Variants in PKD1L1 observed in about 807,000 individuals in gnomAD.
PKD1L1 encodes polycystin-1-like protein 1.
PKD1L1 carries 236 observed loss-of-function variants against 323.4 expected under a neutral mutation model. That is an observed-to-expected ratio of 0.73 (90% CI 0.66 to 0.81). The LOEUF (loss-of-function observed/expected upper bound fraction) is 0.81, where lower values mean the gene tolerates loss of function less well. Ranked by LOEUF, PKD1L1 falls within the 40% of genes least tolerant of loss-of-function variation. The pLI, the probability that PKD1L1 is intolerant of heterozygous loss-of-function variation, is 0.00. For synonymous variants in PKD1L1, 1,344 were observed against 1,335.0 expected (o/e 1.01, Z -0.15); for missense variants, 3,320 against 3,508.0 (o/e 0.95, Z 1.35).
At chr7:47,899,636 T>A (rs979436852) in intron 13 of PKD1L1, among the ~76,000 whole-genome samples, 2 of 151,834 alleles carry the variant, frequency 1.3e-5, no homozygotes, top group Non-Finnish European at 2.9e-5. Context: ...CAGAGGGATT[T>A]TTTTTTTCCT....
chr7:47,885,564 G>T, intron 18 of PKD1L1, 122 bp downstream of exon 18: 1 of 1,334,932 alleles, frequency 7.5e-7, no homozygotes, highest in Non-Finnish European at 1.0e-6. Flanking sequence ...TGAACCTGGC[G>T]CTTTCTGATT....
chr7:47,926,916 C>T (rs1324924175), intron 7 of PKD1L1, among the ~76,000 whole-genome samples: 2 of 152,196 alleles, frequency 1.3e-5, no homozygotes, highest in Non-Finnish European at 2.9e-5. Flanking sequence ...GAGAGCACGC[C>T]CCATCAGTGT....
At chr7:47,944,991 A>G (rs1380017936) in intron 1 of PKD1L1, among the ~76,000 whole-genome samples, 2 of 152,200 alleles carry the variant, frequency 1.3e-5, no homozygotes, top group African/African-American at 4.8e-5. Context: ...ACCGTTGCCA[A>G]GTTCCCAGCT....
the PKD1L1 span, among the ~76,000 whole-genome samples, chr7:47,954,108 G>C: frequency 6.6e-6 from 1 of 152,174 alleles, no homozygotes; most frequent in Non-Finnish European, 1.5e-5. Flanking sequence ...TGGTCACAAG[G>C]TTTGAGCCCT....
chr7:47,934,519 G>A (rs67540717), intron 4 of PKD1L1, among the ~76,000 whole-genome samples: 40,883 of 152,010 alleles, frequency 0.27, 6,401 homozygotes, highest in East Asian at 0.46. Flanking sequence ...CATCATCCTA[G>A]TCACTTGCTT....
chr7:47,930,673 AG>A (rs1250716933), intron 6 of PKD1L1, among the ~76,000 whole-genome samples: 1 of 151,478 alleles, frequency 6.6e-6, no homozygotes, highest in Non-Finnish European at 1.5e-5. Context: ...AAATTATCCC[AG>A]TGTGATGGCG....
rs1241737665 is a variant in PKD1L1, at chr7:47,905,145, A to C, written c.1691+12T>G. 6.2e-7 allele frequency: 1 copy of C among 1,612,076 alleles called. No homozygotes were observed. Among genetic ancestry groups the C allele is most frequent in the Non-Finnish European group, 8.5e-7 (1 of 1,178,972 alleles). On this transcript the variant is annotated intron_variant, in intron 11 of 56. Coordinates refer to ENST00000289672, the MANE Select transcript of PKD1L1 (RefSeq NM_138295.5). ...CAAACAGCTACTCAGCAGGACTGCT[A>C]CTTTTACTGACCATTGGGGGATGCT...
intron 56 of PKD1L1, among the ~76,000 whole-genome samples, chr7:47,785,307 C>T (rs928518282): frequency 4.6e-5 from 7 of 152,104 alleles, no homozygotes. Context: ...TTTCCAAGTT[C>T]CAGGAATATA....
rs190378508 is a variant in PKD1L1 at position 47,811,637 on chromosome 7, C to T, written c.7581+180G>A. 3.9e-5 allele frequency among the ~76,000 whole-genome samples: 6 copies of T among 152,328 alleles called. No homozygotes were observed. In the East Asian group the frequency reaches 7.7e-4, roughly 20 times the overall value. On this transcript the variant is annotated intron_variant, in intron 50 of 56. Coordinates refer to ENST00000289672, the MANE Select transcript of PKD1L1 (RefSeq NM_138295.5). ...TGGTTTCCCCACTGGGGGTCTTCTT[C>T]GTCTCATGCCCCAACCCTTAGTGTG...
chr7:47,924,358 T>A (rs187423958), intron 7 of PKD1L1, among the ~76,000 whole-genome samples: 1 of 152,122 alleles, frequency 6.6e-6, no homozygotes, highest in African/African-American at 2.4e-5. Context: ...TGTGAGGGGG[T>A]AGTCTTAGAA....
intron 37 of PKD1L1, among the ~76,000 whole-genome samples, chr7:47,836,501 T>C (rs1331937646): frequency 1.3e-5 from 2 of 152,142 alleles, no homozygotes; most frequent in Non-Finnish European, 2.9e-5. Flanking sequence ...CAGACCAGAG[T>C]TGCCAGTGCA....
chr7:47,780,742 AAT>A (rs1176723801), intron 56 of PKD1L1, among the ~76,000 whole-genome samples: 2 of 152,110 alleles, frequency 1.3e-5, no homozygotes, highest in South Asian at 2.1e-4. Flanking sequence ...TGTGTGGATC[AAT>A]AGTCTTTTTG....
chr7:47,941,088 C>T (rs895720062), intron 2 of PKD1L1, among the ~76,000 whole-genome samples: 7 of 152,212 alleles, frequency 4.6e-5, no homozygotes, highest in Non-Finnish European at 7.3e-5. Flanking sequence ...AGAAGCCAGG[C>T]GACTGCCTTG....
intron 45 of PKD1L1, among the ~76,000 whole-genome samples, chr7:47,826,077 C>T (rs1017267893): frequency 2.0e-4 from 30 of 152,282 alleles, no homozygotes; most frequent in African/African-American, 6.7e-4. Flanking sequence ...CACCTGTGAA[C>T]TTGACTCTGC....
chr7:47,853,105 A>C, intron 31 of PKD1L1, 22 bp downstream of exon 31: 3 of 1,529,400 alleles, frequency 2.0e-6, no homozygotes, highest in Non-Finnish European at 2.7e-6. Flanking sequence ...GAAAGGGAAA[A>C]TAAGGCGCCC....
At chr7:47,950,351 G>A (rs1455685418), upstream of PKD1L1, among the ~76,000 whole-genome samples, 1 of 152,182 alleles carries the variant, frequency 6.6e-6, no homozygotes, top group Non-Finnish European at 1.5e-5. Context: ...TTTGAAGCCA[G>A]CAGTGCTAAC....
chr7:47,862,391 AGGAGGGAT>A (rs1301369266), intron 26 of PKD1L1, among the ~76,000 whole-genome samples: 1 of 152,072 alleles, frequency 6.6e-6, no homozygotes, highest in Non-Finnish European at 1.5e-5. Flanking sequence ...AGACTCAGGC[AGGAGGGAT>A]GGTAGGAGGA....
intron 22 of PKD1L1, among the ~76,000 whole-genome samples, chr7:47,877,227 C>A (rs1335444317): frequency 6.6e-6 from 1 of 152,174 alleles, no homozygotes; most frequent in Admixed American, 6.5e-5. Context: ...GGCTGCAGGG[C>A]AGACGACTCC....
chr7:47,837,067 G>C lies in PKD1L1; in HGVS notation c.5797C>G (p.Leu1933Val). The part of the protein sequence containing the change: ...KLFYCKFTEY[L>V]EDFHVWLSVY... ...GACAGCCAGACATGGAAATCCTCCA[G>C]GTACTCTGTGAACTTGCAATAGAAA... Residue 1933 changes from leucine (L) to valine (V), a missense_variant, in exon 37 of 57, where the codon CTG (leucine) becomes GTG (valine). Leu to Val is a conservative substitution (Grantham distance 32, BLOSUM62 1). Transcript: ENST00000289672. 1.2e-6 allele frequency: 2 copies of C among 1,614,200 alleles called. No individual in the cohort carries two copies. Among genetic ancestry groups the C allele is most frequent in the South Asian group, 2.2e-5 (2 of 91,084 alleles).
Sources: allele counts gnomAD v4.1 joint callset (sites outside exome capture counted in the v4.1 genomes callset), GRCh38; gene constraint gnomAD v4.1.1; transcripts MANE v1.5; gene names NCBI Gene and HGNC (gene_info 2026-07-23, HGNC 2026-07-21).